TENT4B: variants seen among roughly 807,000 people sequenced by gnomAD.
The protein encoded by TENT4B is terminal nucleotidyltransferase 4B.
TENT4B carries 10 observed loss-of-function variants against 75.0 expected under a neutral mutation model. The ratio of observed to expected loss-of-function variants is 0.13; its 90% CI spans 0.08 to 0.23. TENT4B has a LOEUF of 0.23. Ranked by LOEUF, TENT4B falls within the 10% of genes least tolerant of loss-of-function variation. The pLI is 1.00. For missense variants in TENT4B, 579 were observed against 893.8 expected (o/e 0.65, Z 4.49); for synonymous variants, 350 against 357.7 (o/e 0.98, Z 0.24).
At chr16:50,160,542 C>T (rs909113578) in intron 1 of TENT4B, among the ~76,000 whole-genome samples, 4 of 152,156 alleles carry the variant, frequency 2.6e-5, no homozygotes, top group Non-Finnish European at 5.9e-5. Context: ...ATCTCAATTT[C>T]TTCCGTGAAA....
chr16:50,184,814 G>A (rs755319332), intron 1 of TENT4B, among the ~76,000 whole-genome samples: 2 of 152,038 alleles, frequency 1.3e-5, no homozygotes, highest in Non-Finnish European at 2.9e-5. Context: ...AGCCTCCTCC[G>A]CCCCCTGGTT....
intron 1 of TENT4B, among the ~76,000 whole-genome samples, chr16:50,199,828 G>A (rs1028682657): frequency 2.0e-5 from 3 of 152,138 alleles, no homozygotes; most frequent in Non-Finnish European, 4.4e-5. Flanking sequence ...TTAAGACAGG[G>A]TGTCATTGTG....
At position 50,154,130 on chromosome 16, in the gene TENT4B, A is replaced by C; in HGVS notation, c.509A>C (p.Tyr170Ser). 1 of 1,529,304 alleles carries C rather than the reference A, an allele frequency of 6.5e-7. No individual in the cohort carries two copies. Among genetic ancestry groups the C allele is most frequent in the South Asian group, 1.2e-5 (1 of 82,634 alleles). 94.7% of individuals were successfully genotyped at this position (1,529,304 alleles called of 1,614,324 possible). ...AAGCGCGACAACAAGGCCAGCACGT[A>C]TGGACTCAACTACAGCCTGCTGCAG... ...KRKRDNKASTYGLNYSLLQPS... is the reference protein window; with the variant it reads ...KRKRDNKASTSGLNYSLLQPS... Residue 170 changes from tyrosine to serine, a missense_variant, in exon 1 of 12, where the codon TAT becomes TCT. Coordinates refer to ENST00000561678, the MANE Select transcript of TENT4B (RefSeq NM_001365324.3).
intron 1 of TENT4B, among the ~76,000 whole-genome samples, chr16:50,170,033 T>C (rs2038175746): frequency 6.6e-6 from 1 of 152,160 alleles, no homozygotes; most frequent in Non-Finnish European, 1.5e-5. Context: ...GTGAATTATA[T>C]GTTTCTTCAA....
intron 1 of TENT4B, among the ~76,000 whole-genome samples, chr16:50,185,072 C>T (rs1208837245): frequency 6.6e-6 from 1 of 152,098 alleles, no homozygotes; most frequent in Non-Finnish European, 1.5e-5. Context: ...TTATTTCCAC[C>T]CTGATACTCT....
intron 1 of TENT4B, among the ~76,000 whole-genome samples, chr16:50,202,309 G>A (rs768279542): frequency 4.6e-5 from 7 of 152,118 alleles, no homozygotes; most frequent in Admixed American, 1.3e-4. Flanking sequence ...TAACAGAGCA[G>A]TATCTATTCT....
chr16:50,207,068 CTT>C (rs764421701), intron 1 of TENT4B, among the ~76,000 whole-genome samples: 9 of 140,832 alleles, frequency 6.4e-5, no homozygotes, highest in Admixed American at 2.1e-4. Context: ...CTTGCTCTCT[CTT>C]TTTTTTTTTT....
At position 50,154,035 on chromosome 16, in the gene TENT4B, C is replaced by G. The variant is rs892706961; in HGVS notation, c.414C>G (p.Ser138=). ...CCTCGCCTCCCTCGGCGTCCTCGTC[C>G]CCGCACCCTTCGGCCGCCGTCCCCG... ...SASSPPSASS[S]PHPSAAVPAA... The change falls in exon 1 of 12, where the codon TCC becomes TCG. Residue 138 remains serine (S), a synonymous_variant. Transcript: ENST00000561678. 3 of 1,532,588 alleles carry G rather than the reference C, an allele frequency of 2.0e-6. No homozygotes were observed. The highest frequency in any genetic ancestry group is 2.4e-5 in the South Asian group (2 of 83,646). 94.9% of individuals were successfully genotyped at this position (1,532,588 alleles called of 1,614,324 possible). A position where few individuals can be genotyped will look rare whatever the true frequency, so the allele number is the denominator to read the frequency against.
At chr16:50,173,300 C>T (rs1026186474) in intron 1 of TENT4B, among the ~76,000 whole-genome samples, 2 of 152,230 alleles carry the variant, frequency 1.3e-5, no homozygotes, top group African/African-American at 4.8e-5. Context: ...ATGAGTTTAT[C>T]TATTCACCTT....
intron 1 of TENT4B, among the ~76,000 whole-genome samples, chr16:50,173,504 G>A (rs766944191): frequency 5.3e-5 from 8 of 152,130 alleles, no homozygotes; most frequent in African/African-American, 1.4e-4. Flanking sequence ...CAGGGTGACT[G>A]TACCATTTTG....
At chr16:50,197,375 G>A (rs912868187) in intron 1 of TENT4B, among the ~76,000 whole-genome samples, 4 of 152,118 alleles carry the variant, frequency 2.6e-5, no homozygotes, top group Admixed American at 6.6e-5. Context: ...TGCAACCTCC[G>A]CCTTCTGGGT....
rs778089680 is a variant in TENT4B, at chr16:50,235,094, C to T, written c.*5766C>T. 19 of 951,498 alleles carry T rather than the reference C, an allele frequency of 2.0e-5. No individual in the cohort carries two copies. The highest frequency in any genetic ancestry group is 5.3e-4 in the Middle Eastern group (1 of 1,878). The allele number at this position is 951,498 out of a possible 1,614,324, so 58.9% of individuals were successfully genotyped here. ...AAGAAATCTCAACATTTCCTGAGGC[C>T]GTATCACTGGGCAACCAGTGATGAA... is the stretch of plus-strand genomic sequence containing the variant. On this transcript the variant is annotated 3_prime_UTR_variant, in exon 12 of 12. Coordinates refer to ENST00000561678, the MANE Select transcript of TENT4B (RefSeq NM_001365324.3).
At chr16:50,187,124 T>C (rs781292838) in intron 1 of TENT4B, among the ~76,000 whole-genome samples, 5 of 152,200 alleles carry the variant, frequency 3.3e-5, no homozygotes, top group Admixed American at 6.5e-5. Context: ...GTTTATTTTT[T>C]ATCTTGTTAC....
chr16:50,208,887 C>T (rs2031128461), intron 1 of TENT4B, among the ~76,000 whole-genome samples: 1 of 152,158 alleles, frequency 6.6e-6, no homozygotes, highest in Non-Finnish European at 1.5e-5. Context: ...CATGCGCCAC[C>T]ACACCCAGCT....
chr16:50,183,451 T>C (rs1262108542), intron 1 of TENT4B, among the ~76,000 whole-genome samples: 2 of 152,058 alleles, frequency 1.3e-5, no homozygotes, highest in Non-Finnish European at 2.9e-5. Flanking sequence ...GGTTGTGTTG[T>C]CATACTTTGA....
chr16:50,194,453 G>A (rs1410400433), intron 1 of TENT4B, among the ~76,000 whole-genome samples: 1 of 151,876 alleles, frequency 6.6e-6, no homozygotes, highest in Non-Finnish European at 1.5e-5. Context: ...GACCTCAGGC[G>A]ATCCACCCGC....
At chr16:50,178,871 T>C (rs1597239451) in intron 1 of TENT4B, among the ~76,000 whole-genome samples, 2 of 152,108 alleles carry the variant, frequency 1.3e-5, no homozygotes, top group Admixed American at 1.3e-4. Context: ...GATTAAAAAG[T>C]TATGGAGGTG....
In TENT4B at chr16:50,214,213, T is replaced by C; in HGVS notation, c.763-8T>C. On this transcript the variant is annotated splice_polypyrimidine_tract_variant and splice_region_variant and intron_variant, in intron 2 of 11. Coordinates refer to ENST00000561678, the MANE Select transcript of TENT4B (RefSeq NM_001365324.3). ...TCAATATAATAACAACTTCTTTTTC[T>C]GTTTCAGGTCCAGATATTTGGAAGT... 2 of 1,567,820 alleles carry C rather than the reference T, an allele frequency of 1.3e-6. No homozygotes were observed.
chr16:50,217,453 C>G, intron 4 of TENT4B, 103 bp from the exon 5 acceptor site: 1 of 622,880 alleles, frequency 1.6e-6, no homozygotes, highest in South Asian at 2.2e-5. Context: ...TTCTTATGCT[C>G]TCATGAGATG....
Sources: allele counts gnomAD v4.1 joint callset (sites outside exome capture counted in the v4.1 genomes callset), GRCh38; gene constraint gnomAD v4.1.1; transcripts MANE v1.5; gene names NCBI Gene and HGNC (gene_info 2026-07-23, HGNC 2026-07-21).